Variants in POU4F2 observed in about 807,000 individuals in gnomAD.
POU4F2 encodes the protein POU class 4 homeobox 2, also known as POU domain, class 4, transcription factor 2.
Under a neutral mutation model 21.5 loss-of-function variants are expected in POU4F2, and 10 were observed. The observed-to-expected ratio is 0.46, with a 90% confidence interval of 0.29 to 0.79. POU4F2 has a LOEUF of 0.79. Among genes scored for constraint, POU4F2 ranks in the 30% least tolerant of loss-of-function variants. The pLI is 0.10. For missense variants in POU4F2, 623 were observed against 603.3 expected, an observed-to-expected ratio of 1.03 and a Z score of -0.34; for synonymous variants, 324 against 271.1, an observed-to-expected ratio of 1.20 and a Z score of -1.92.
chr4:146,640,716 G>C lies in POU4F2; in HGVS notation c.1138G>C (p.Glu380Gln), dbSNP rs1168278232. The C allele has an allele frequency of 6.2e-6, 10 of 1,614,114 alleles. No individual in the cohort carries two copies. Among genetic ancestry groups the C allele is most frequent in the Non-Finnish European group, 8.5e-6 (10 of 1,180,048 alleles). The change falls in exon 2 of 2, where the codon GAG becomes CAG. Residue 380 changes from glutamate to glutamine, a missense_variant. Physicochemically the swap from Glu to Gln is conservative, Grantham distance 29. Coordinates refer to ENST00000281321, the MANE Select transcript of POU4F2 (RefSeq NM_004575.3). This position sits in a 1 kb window ranked among gnomAD's most constrained non-coding sequence, Gnocchi z 4.8. ...CTCTGAAAAGATCGCCGCCATCGCGGAGAAGCTGGACCTGAAGAAAAACGT... is the reference window on the plus strand; with the variant it reads ...CTCTGAAAAGATCGCCGCCATCGCGCAGAAGCTGGACCTGAAGAAAAACGT... ...PSSEKIAAIAEKLDLKKNVVR... is the reference protein window; with the variant it reads ...PSSEKIAAIAQKLDLKKNVVR...
rs760328200 is a variant in POU4F2 at position 146,639,316 on chromosome 4, G to GCGA, written c.178_179insACG (p.Gly59_Gly60insAsp). ...AGCAACGCTGGTGGTGGCGGCGGCG[G>GCGA]CGGCGGCGGCGGCGGCGGCGGCGGA... On this transcript the variant is annotated inframe_insertion, in exon 1 of 2. Coordinates refer to ENST00000281321, the MANE Select transcript of POU4F2 (RefSeq NM_004575.3). The GCGA allele has an allele frequency of 1.9e-5, 25 of 1,308,372 alleles. No individual in the cohort carries two copies. Among genetic ancestry groups the GCGA allele is most frequent in the Non-Finnish European group, 3.0e-6 (3 of 987,840 alleles). The allele number at this position is 1,308,372 out of a possible 1,614,324, so 81.0% of individuals were successfully genotyped here. A position where few individuals can be genotyped will look rare whatever the true frequency, so the allele number is the denominator to read the frequency against.
chr4:146,640,202 C>T lies in POU4F2; in HGVS notation c.624C>T (p.Pro208=), dbSNP rs1561027307. 1.3e-6 allele frequency: 2 copies of T among 1,568,614 alleles called. No individual in the cohort carries two copies. The highest frequency in any genetic ancestry group is 1.7e-6 in the Non-Finnish European group (2 of 1,163,902). Residue 208 remains proline, a synonymous_variant, in exon 2 of 2, where the codon CCC becomes CCT. Coordinates refer to ENST00000281321, the MANE Select transcript of POU4F2 (RefSeq NM_004575.3). This position sits in a 1 kb window ranked among gnomAD's most constrained non-coding sequence, Gnocchi z 4.8. ...PGLALGAMAG[P]DGAVVSTPAH... is the part of the protein sequence containing the mutation. Reference sequence around the variant, plus strand: ...TGGCCCTGGGCGCTATGGCGGGCCCCGACGGCGCTGTGGTGTCCACGCCGG... The same window carrying T: ...TGGCCCTGGGCGCTATGGCGGGCCCTGACGGCGCTGTGGTGTCCACGCCGG...
chr4:146,640,658 C>G lies in POU4F2; in HGVS notation c.1080C>G (p.Leu360=), dbSNP rs143117935. The G allele has an allele frequency of 5.0e-6, 8 of 1,614,230 alleles. No individual in the cohort carries two copies. Among genetic ancestry groups the G allele is most frequent in the Admixed American group, 1.7e-5 (1 of 60,032 alleles). ...TSIAAPEKRS[L]EAYFAIQPRP... is the part of the protein sequence containing the mutation. ...TCGCTGCGCCAGAGAAGCGCTCGCT[C>G]GAAGCCTACTTTGCCATTCAGCCTC... The change falls in exon 2 of 2, where the codon CTC becomes CTG. Residue 360 remains leucine, a synonymous_variant. Coordinates refer to ENST00000281321, the MANE Select transcript of POU4F2 (RefSeq NM_004575.3). The surrounding 1 kb of genome is among the most constrained non-coding windows in gnomAD (Gnocchi z 4.8).
Position 146,639,931 on chromosome 4 carries a change from A to G in POU4F2, c.353A>G (p.Asp118Gly). The change falls in exon 2 of 2, where the codon GAC becomes GGC. Residue 118 changes from aspartate to glycine, a missense_variant. Physicochemically the swap from Asp to Gly is moderately conservative, Grantham distance 94. This residue lies in a region of POU4F2 where 523 missense variants were observed against 504.1 expected (regional missense o/e 1.04). Transcript: ENST00000281321. ...CGCGCCGAGGCTCTGGCAGCCGTGG[A>G]CATCGTCTCCCAGAGCAAGAGCCAC... ...LARAEALAAVDIVSQSKSHHH... is the reference protein window; with the variant it reads ...LARAEALAAVGIVSQSKSHHH... 1 of 1,597,220 alleles carries G rather than the reference A, an allele frequency of 6.3e-7. No homozygotes were observed.
At position 146,640,334 on chromosome 4, in the gene POU4F2, C is replaced by T. The variant is rs755910426; in HGVS notation, c.756C>T (p.Asp252=). The change falls in exon 2 of 2, where the codon GAC becomes GAT. Residue 252 remains aspartate, a synonymous_variant. Coordinates refer to ENST00000281321, the MANE Select transcript of POU4F2 (RefSeq NM_004575.3). This position sits in a 1 kb window ranked among gnomAD's most constrained non-coding sequence, Gnocchi z 4.8. ...ACATGGGCTGCATGAGCGACGTGGA[C>T]GCCGACCCGCGGGACCTGGAGGCAT... is the stretch of plus-strand genomic sequence containing the variant. The part of the protein sequence containing the change: ...PSHMGCMSDV[D]ADPRDLEAFA... 2.0e-5 allele frequency: 31 copies of T among 1,579,724 alleles called. No individual in the cohort carries two copies. Among genetic ancestry groups the T allele is most frequent in the Non-Finnish European group, 2.6e-5 (30 of 1,166,860 alleles).
rs753506987 is a variant in POU4F2, at chr4:146,639,875, A to T, written c.297A>T (p.Ile99=). The change falls in exon 2 of 2, where the codon ATA becomes ATT. Residue 99 remains isoleucine (I), a synonymous_variant. Coordinates refer to ENST00000281321, the MANE Select transcript of POU4F2 (RefSeq NM_004575.3). The part of the protein sequence containing the change: ...RACLPTPPSN[I]FGGLDESLLA... ...TCTACTTACAATTGCAGAGCAATAT[A>T]TTCGGCGGGCTGGATGAGAGTCTGC... 6.5e-7 allele frequency: 1 copy of T among 1,542,136 alleles called. No individual in the cohort carries two copies. Among genetic ancestry groups the T allele is most frequent in the Non-Finnish European group, 8.7e-7 (1 of 1,143,272 alleles).
At position 146,641,030 on chromosome 4, in the gene POU4F2, C is replaced by T. The variant is rs747584601; in HGVS notation, c.*222C>T. On this transcript the variant is annotated 3_prime_UTR_variant, in exon 2 of 2. Coordinates refer to ENST00000281321, the MANE Select transcript of POU4F2 (RefSeq NM_004575.3). ...AAGAATAACAAAAGATGGTATTTGT[C>T]TGTTGTAGCAAAGTTGTCCCTTTGA... 1.6e-5 allele frequency: 8 copies of T among 511,512 alleles called. No homozygotes were observed. The highest frequency in any genetic ancestry group is 5.9e-5 in the African/African-American group (3 of 50,438). The allele number at this position is 511,512 out of a possible 1,614,324, so 31.7% of individuals were successfully genotyped here. A position where few individuals can be genotyped will look rare whatever the true frequency, so the allele number is the denominator to read the frequency against.
At position 146,640,177 on chromosome 4, in the gene POU4F2, T is replaced by C. The variant is rs1470667148; in HGVS notation, c.599T>C (p.Leu200Pro). 1 of 1,590,538 alleles carries C rather than the reference T, an allele frequency of 6.3e-7. No individual in the cohort carries two copies. Among genetic ancestry groups the C allele is most frequent in the East Asian group, 2.3e-5 (1 of 44,116 alleles). Residue 200 changes from leucine (L) to proline (P), a missense_variant, in exon 2 of 2, where the codon CTG (leucine) becomes CCG (proline). By Grantham distance (98) the Leu-to-Pro change is moderately conservative. Transcript: ENST00000281321. The surrounding 1 kb of genome is among the most constrained non-coding windows in gnomAD (Gnocchi z 4.8). ...GELLEHLSPGLALGAMAGPDG... is the reference protein window; with the variant it reads ...GELLEHLSPGPALGAMAGPDG... ...CTGCTGGAGCACCTGAGTCCCGGGCTGGCCCTGGGCGCTATGGCGGGCCCC... is the reference window on the plus strand; with the variant it reads ...CTGCTGGAGCACCTGAGTCCCGGGCCGGCCCTGGGCGCTATGGCGGGCCCC...
chr4:146,639,716 C>A, intron 1 of POU4F2, 151 bp from the exon 2 acceptor site: 1 of 945,204 alleles, frequency 1.1e-6, no homozygotes, highest in Non-Finnish European at 1.5e-6. Context: ...TTCTCTTCAC[C>A]TCTGTTTTCA....
Position 146,640,029 on chromosome 4 carries a change from A to G in POU4F2, c.451A>G (p.Thr151Ala). 1 of 1,610,700 alleles carries G rather than the reference A, an allele frequency of 6.2e-7. No homozygotes were observed. The highest frequency in any genetic ancestry group is 8.5e-7 in the Non-Finnish European group (1 of 1,179,808). The change falls in exon 2 of 2, where the codon ACG becomes GCG. Residue 151 changes from threonine (T) to alanine (A), a missense_variant. This residue lies in a region of POU4F2 where 523 missense variants were observed against 504.1 expected (regional missense o/e 1.04). Coordinates refer to ENST00000281321, the MANE Select transcript of POU4F2 (RefSeq NM_004575.3). The surrounding 1 kb of genome is among the most constrained non-coding windows in gnomAD (Gnocchi z 4.8). ...CCACACTATGAATACCATCCCGTGC[A>G]CGTCGGCCGCCTCTTCTTCATCGGT... is the stretch of plus-strand genomic sequence containing the variant. ...TYHTMNTIPC[T>A]SAASSSSVPI...
chr4:146,639,584 A>T (rs561761494), intron 1 of POU4F2, among the ~76,000 whole-genome samples, 156 bp downstream of exon 1: 110 of 151,614 alleles, frequency 7.3e-4, no homozygotes, highest in Middle Eastern at 6.8e-3. Flanking sequence ...CTTGCCTTTC[A>T]TATTAATTTT....
rs947583009 is a variant in POU4F2 at position 146,640,406 on chromosome 4, G to A, written c.828G>A (p.Gln276=). 7 of 1,610,310 alleles carry A rather than the reference G, an allele frequency of 4.3e-6. No individual in the cohort carries two copies. The Admixed American group carries it at 1.0e-4, about 23-fold the overall frequency. The change falls in exon 2 of 2, where the codon CAG becomes CAA. Residue 276 remains glutamine, a synonymous_variant. Coordinates refer to ENST00000281321, the MANE Select transcript of POU4F2 (RefSeq NM_004575.3). This position sits in a 1 kb window ranked among gnomAD's most constrained non-coding sequence, Gnocchi z 4.8. ...KQRRIKLGVT[Q]ADVGSALANL... ...GACGCATCAAGCTGGGGGTGACCCA[G>A]GCAGATGTGGGCTCCGCGCTGGCCA... is the stretch of plus-strand genomic sequence containing the variant.
rs1205222414 is a variant in POU4F2 at position 146,642,018 on chromosome 4, G to T, written c.*1210G>T. On this transcript the variant is annotated 3_prime_UTR_variant, in exon 2 of 2. Coordinates refer to ENST00000281321, the MANE Select transcript of POU4F2 (RefSeq NM_004575.3). The stretch of plus-strand genomic sequence containing the variant: ...TATTTCAGTCTTCCAGTTTTCAATT[G>T]CTTTGTTGGCTACATGTTAATATTT... The T allele has an allele frequency of 4.6e-5, 7 of 152,550 alleles. No individual in the cohort carries two copies. Among genetic ancestry groups the T allele is most frequent in the Non-Finnish European group, 7.3e-5 (5 of 68,030 alleles). The allele number at this position is 152,550 out of a possible 1,614,324, so 9.4% of individuals were successfully genotyped here.
At chr4:146,639,751 C>T (rs953910794) in intron 1 of POU4F2, 116 bp from the exon 2 acceptor site, 25 of 1,044,816 alleles carry the variant, frequency 2.4e-5, no homozygotes, top group Non-Finnish European at 2.9e-5. Context: ...ATTATTTTAA[C>T]GATCTGGGAA....
chr4:146,639,317 C>CGGCGGA lies in POU4F2; in HGVS notation c.182_183insAGGCGG (p.Gly67_Gly68dup). On this transcript the variant is annotated inframe_insertion, in exon 1 of 2. Coordinates refer to ENST00000281321, the MANE Select transcript of POU4F2 (RefSeq NM_004575.3). ...GCAACGCTGGTGGTGGCGGCGGCGG[C>CGGCGGA]GGCGGCGGCGGCGGCGGCGGCGGAG... 7.7e-7 allele frequency: 1 copy of CGGCGGA among 1,304,104 alleles called. No individual in the cohort carries two copies. The highest frequency in any genetic ancestry group is 1.0e-6 in the Non-Finnish European group (1 of 986,376). The allele number at this position is 1,304,104 out of a possible 1,614,324, so 80.8% of individuals were successfully genotyped here.
chr4:146,639,402 C>A lies in POU4F2; in HGVS notation c.262C>A (p.Arg88=), dbSNP rs780810360. ...CGGCGGCGGGGGCTCGGAGGCTATG[C>A]GGAGAGCCTGTCTTCCAACCCCACC... is the stretch of plus-strand genomic sequence containing the variant. ...SSGGGGSEAM[R]RACLPTPPSN... Residue 88 remains arginine, a synonymous_variant, in exon 1 of 2, where the codon CGG becomes AGG. Transcript: ENST00000281321. 3.4e-6 allele frequency: 5 copies of A among 1,467,116 alleles called. No homozygotes were observed. Among genetic ancestry groups the A allele is most frequent in the South Asian group, 3.1e-5 (2 of 65,336 alleles). 90.9% of individuals were successfully genotyped at this position (1,467,116 alleles called of 1,614,324 possible).
rs530695040 is a variant in POU4F2 at position 146,639,305 on chromosome 4, T to TGGCGGCGGCGGCGGC, written c.186_200dup (p.Gly64_Gly68dup). The TGGCGGCGGCGGCGGC allele has an allele frequency of 2.6e-3, 3,450 of 1,305,696 alleles. 75 individuals are homozygous for TGGCGGCGGCGGCGGC. The African/African-American group carries it at 0.046, about 17-fold the overall frequency. The allele number at this position is 1,305,696 out of a possible 1,614,324, so 80.9% of individuals were successfully genotyped here. Reference sequence around the variant, plus strand: ...CCAGCAGCTCGAGCAACGCTGGTGGTGGCGGCGGCGGCGGCGGCGGCGGCG... The same window carrying TGGCGGCGGCGGCGGC: ...CCAGCAGCTCGAGCAACGCTGGTGGTGGCGGCGGCGGCGGCGGCGGCGGCGGCGGCGGCGGCGGCG... On this transcript the variant is annotated inframe_insertion, in exon 1 of 2. Transcript: ENST00000281321.
Position 146,640,873 on chromosome 4 carries a change from C to T in POU4F2, c.*65C>T, listed in dbSNP as rs539680681. The stretch of plus-strand genomic sequence containing the variant: ...CGCTCTTTTCTCTCCTCTCTTCTGC[C>T]TCTTTTCACTTTTGGCGACTAGAAA... On this transcript the variant is annotated 3_prime_UTR_variant, in exon 2 of 2. Transcript: ENST00000281321. This position sits in a 1 kb window ranked among gnomAD's most constrained non-coding sequence, Gnocchi z 4.8. The T allele has an allele frequency of 1.4e-6, 2 of 1,462,424 alleles. No individual in the cohort carries two copies. The highest frequency in any genetic ancestry group is 1.4e-5 in the African/African-American group (1 of 70,334). 90.6% of individuals were successfully genotyped at this position (1,462,424 alleles called of 1,614,324 possible). A position where few individuals can be genotyped will look rare whatever the true frequency, so the allele number is the denominator to read the frequency against.
Position 146,640,303 on chromosome 4 carries a change from C to G in POU4F2, c.725C>G (p.Pro242Arg), listed in dbSNP as rs777228879. ...AGCATGGCCCACGCGCACGGGCTGC[C>G]GTCGCACATGGGCTGCATGAGCGAC... Reference protein sequence around the residue: ...ALSMAHAHGLPSHMGCMSDVD... With the variant: ...ALSMAHAHGLRSHMGCMSDVD... The change falls in exon 2 of 2, where the codon CCG (proline) becomes CGG (arginine). Residue 242 changes from proline (P) to arginine (R), a missense_variant. Around this residue, in one of 3 missense-constraint regions of POU4F2, gnomAD observed 523 missense variants for 504.1 expected, o/e 1.04. Transcript: ENST00000281321. This position sits in a 1 kb window ranked among gnomAD's most constrained non-coding sequence, Gnocchi z 4.8. The G allele has an allele frequency of 6.4e-7, 1 of 1,564,426 alleles. No homozygotes were observed. Among genetic ancestry groups the G allele is most frequent in the Non-Finnish European group, 8.6e-7 (1 of 1,158,830 alleles).
Sources: allele counts gnomAD v4.1 joint callset (sites outside exome capture counted in the v4.1 genomes callset), GRCh38; gene constraint gnomAD v4.1.1; regional missense constraint gnomAD v4.1.1; non-coding constraint Gnocchi (gnomAD v3.1); transcripts MANE v1.5; gene names NCBI Gene and HGNC (gene_info 2026-07-23, HGNC 2026-07-21).